Variants in IQCH observed in about 807,000 individuals in gnomAD.
IQCH encodes IQ motif containing H.
A neutral mutation model predicts 117.0 loss-of-function variants in IQCH; 98 were observed. The observed-to-expected ratio is 0.84, with a 90% CI of 0.71 to 0.99. The LOEUF (loss-of-function observed/expected upper bound fraction) is 0.99. IQCH is among the 50% of genes least tolerant of loss of function. The pLI is 0.00. For synonymous variants in IQCH, 412 were observed against 448.2 expected (o/e 0.92, Z 1.02); for missense variants, 1,102 against 1,243.8 (o/e 0.89, Z 1.72).
intron 14 of IQCH, among the ~76,000 whole-genome samples, chr15:67,415,299 A>G (rs565013668): frequency 6.6e-6 from 1 of 152,220 alleles, no homozygotes; most frequent in Non-Finnish European, 1.5e-5. Flanking sequence ...TTGTCTCTGC[A>G]TCACAAGACA....
At chr15:67,273,833 A>G (rs957823569) in intron 3 of IQCH, among the ~76,000 whole-genome samples, 9 of 152,154 alleles carry the variant, frequency 5.9e-5, no homozygotes, top group African/African-American at 2.2e-4. Flanking sequence ...AACTCCCATT[A>G]GCATTTGATG....
rs16950884 is a variant in IQCH, at chr15:67,387,502, A to G, written c.1457-1329A>G. Among the ~76,000 whole-genome samples the G allele has an allele frequency of 3.1e-3, 469 of 152,286 alleles. 6 individuals are homozygous for G. Among genetic ancestry groups the G allele is most frequent in the African/African-American group, 0.011 (448 of 41,544 alleles). ...CATTGCCTTTAAGGAGCTTGGAAAGACAAGATTAATAGATTGGAAACAATA... is the reference window on the plus strand; with the variant it reads ...CATTGCCTTTAAGGAGCTTGGAAAGGCAAGATTAATAGATTGGAAACAATA... On this transcript the variant is annotated intron_variant, in intron 11 of 20. Transcript: ENST00000335894. The surrounding 1 kb of genome is among the most constrained non-coding windows in gnomAD (Gnocchi z 4.8).
At chr15:67,345,926 G>A (rs554939852) in intron 6 of IQCH, among the ~76,000 whole-genome samples, 6 of 152,212 alleles carry the variant, frequency 3.9e-5, no homozygotes, top group Admixed American at 6.5e-5. Flanking sequence ...ATACAGGACC[G>A]TTCTAGATCA....
intron 4 of IQCH, among the ~76,000 whole-genome samples, chr15:67,335,204 A>G (rs1968838498): frequency 6.6e-6 from 1 of 152,174 alleles, no homozygotes; most frequent in Non-Finnish European, 1.5e-5. Flanking sequence ...ATTGCCTGAC[A>G]GAGTCTGAAC....
intron 16 of IQCH, among the ~76,000 whole-genome samples, chr15:67,455,519 C>T (rs1424356382): frequency 6.6e-6 from 1 of 152,138 alleles, no homozygotes; most frequent in East Asian, 1.9e-4. Context: ...CTGGAAATGT[C>T]AAAGAAACTG....
rs2082681438 is a variant in IQCH, at chr15:67,457,277, A to G, written c.2506-7850A>G. Among the ~76,000 whole-genome samples the G allele has an allele frequency of 6.6e-6, 1 of 152,168 alleles. No individual in the cohort carries two copies. The highest frequency in any genetic ancestry group is 2.1e-4 in the South Asian group (1 of 4,830). Reference sequence around the variant, plus strand: ...AAAATTCTTACAGTGGGGTGTACCAACTCCTTTAAAATTAAGCATGAGGTG... The same window carrying G: ...AAAATTCTTACAGTGGGGTGTACCAGCTCCTTTAAAATTAAGCATGAGGTG... On this transcript the variant is annotated intron_variant, in intron 16 of 20. Transcript: ENST00000335894. The surrounding 1 kb of genome is among the most constrained non-coding windows in gnomAD (Gnocchi z 5.7).
At chr15:67,265,435 C>G (rs935104563) in intron 3 of IQCH, among the ~76,000 whole-genome samples, 1 of 152,106 alleles carries the variant, frequency 6.6e-6, no homozygotes. Flanking sequence ...AGATGGGGAG[C>G]CTGTCAAGTT....
At position 67,426,627 on chromosome 15, in the gene IQCH, A is replaced by G. The variant is rs1596353535; in HGVS notation, c.2505+5050A>G. ...ACTAAAAAAAAATAAAAATAAAAAT[A>G]AAAATGAAAAGCTAAATAGAACTTG... is the stretch of plus-strand genomic sequence containing the variant. On this transcript the variant is annotated intron_variant, in intron 16 of 20. Coordinates refer to ENST00000335894, the MANE Select transcript of IQCH (RefSeq NM_001031715.3). This position sits in a 1 kb window ranked among gnomAD's most constrained non-coding sequence, Gnocchi z 5.1. 1.4e-5 allele frequency among the ~76,000 whole-genome samples: 2 copies of G among 146,800 alleles called. No individual in the cohort carries two copies. The highest frequency in any genetic ancestry group is 4.4e-4 in the South Asian group (2 of 4,502).
chr15:67,322,876 C>G (rs1024947239), intron 4 of IQCH, among the ~76,000 whole-genome samples: 1 of 151,946 alleles, frequency 6.6e-6, no homozygotes, highest in Non-Finnish European at 1.5e-5. Context: ...GGAGTGTGTG[C>G]TGATTGGTTT....
chr15:67,276,468 T>C (rs1966128999), intron 3 of IQCH, among the ~76,000 whole-genome samples: 1 of 152,312 alleles, frequency 6.6e-6, no homozygotes, highest in East Asian at 1.9e-4. Context: ...ATAGCAAACA[T>C]ATATAATTTT....
intron 18 of IQCH, among the ~76,000 whole-genome samples, chr15:67,480,573 A>G (rs977559480): frequency 6.6e-6 from 1 of 152,144 alleles, no homozygotes; most frequent in African/African-American, 2.4e-5. Context: ...AACCCAGCCT[A>G]ATCAGGTTAT....
rs1415683839 is a variant in IQCH, at chr15:67,432,129, T to C, written c.2505+10552T>C. On this transcript the variant is annotated intron_variant, in intron 16 of 20. Coordinates refer to ENST00000335894, the MANE Select transcript of IQCH (RefSeq NM_001031715.3). This position sits in a 1 kb window ranked among gnomAD's most constrained non-coding sequence, Gnocchi z 5.0. ...TTATAAGCATTGATAGTTAATACTT[T>C]TTTTGAAAAAGGAAATTAAAGAAAA... Among the ~76,000 whole-genome samples, 2 of 152,222 alleles carry C rather than the reference T, an allele frequency of 1.3e-5. No homozygotes were observed. The highest frequency in any genetic ancestry group is 2.9e-5 in the Non-Finnish European group (2 of 68,044).
intron 17 of IQCH, among the ~76,000 whole-genome samples, chr15:67,468,584 A>G (rs1257820129): frequency 6.6e-6 from 1 of 152,252 alleles, no homozygotes; most frequent in African/African-American, 2.4e-5. Flanking sequence ...TTAATAATTC[A>G]GAGAGCAGTT....
chr15:67,480,241 C>T (rs1383412246), intron 18 of IQCH, among the ~76,000 whole-genome samples: 3 of 152,160 alleles, frequency 2.0e-5, no homozygotes, highest in Non-Finnish European at 4.4e-5. Context: ...AGGCACATAA[C>T]GAAACTGTAT....
Position 67,395,669 on chromosome 15 carries a change from G to C in IQCH, c.1905+106G>C. The C allele has an allele frequency of 2.4e-6, 2 of 839,998 alleles. No individual in the cohort carries two copies. The highest frequency in any genetic ancestry group is 4.2e-5 in the South Asian group (2 of 47,230). 52.0% of individuals were successfully genotyped at this position (839,998 alleles called of 1,614,324 possible). A position where few individuals can be genotyped will look rare whatever the true frequency, so the allele number is the denominator to read the frequency against. On this transcript the variant is annotated intron_variant, in intron 13 of 20. Coordinates refer to ENST00000335894, the MANE Select transcript of IQCH (RefSeq NM_001031715.3). The surrounding 1 kb of genome is among the most constrained non-coding windows in gnomAD (Gnocchi z 4.0). ...AGCCAGACCTACCCAATGAAGAATA[G>C]GTGGAATATTTGAGTTGATTTGAGG...
rs1341025692 is a variant in IQCH at position 67,472,504 on chromosome 15, G to A, written c.2677-3192G>A. 1.3e-5 allele frequency among the ~76,000 whole-genome samples: 2 copies of A among 152,104 alleles called. No homozygotes were observed. Among genetic ancestry groups the A allele is most frequent in the Non-Finnish European group, 2.9e-5 (2 of 68,014 alleles). The stretch of plus-strand genomic sequence containing the variant: ...CCCAGGAGATGGGGGAAGAGTAGGG[G>A]AAAAAACAGCCTGGGAAGTTACATT... On this transcript the variant is annotated intron_variant, in intron 17 of 20. Coordinates refer to ENST00000335894, the MANE Select transcript of IQCH (RefSeq NM_001031715.3). The surrounding 1 kb of genome is among the most constrained non-coding windows in gnomAD (Gnocchi z 4.3).
intron 6 of IQCH, among the ~76,000 whole-genome samples, chr15:67,350,112 C>T (rs1969589756): frequency 6.6e-6 from 1 of 152,136 alleles, no homozygotes. Context: ...TTCATAATCA[C>T]CAAAAACTGG....
At chr15:67,260,462 C>G (rs1965410555) in intron 1 of IQCH, among the ~76,000 whole-genome samples, 2 of 152,216 alleles carry the variant, frequency 1.3e-5, no homozygotes, top group Non-Finnish European at 2.9e-5. Flanking sequence ...TACCAAACTC[C>G]TTCTTCAGAG....
intron 6 of IQCH, among the ~76,000 whole-genome samples, chr15:67,350,453 G>A (rs890436291): frequency 6.6e-6 from 1 of 152,106 alleles, no homozygotes; most frequent in Non-Finnish European, 1.5e-5. Context: ...TGAGAATGGA[G>A]TCTCGCTCTG....
Sources: gnomAD v4.1 joint callset for allele counts (sites outside exome capture counted in the v4.1 genomes callset) on GRCh38, gnomAD v4.1.1 for gene constraint, Gnocchi (gnomAD v3.1) non-coding constraint, MANE v1.5 for transcripts, NCBI Gene and HGNC (gene_info 2026-07-23, HGNC 2026-07-21) for gene names.